Variants in SLC23A2 observed in about 807,000 individuals in gnomAD.
SLC23A2 encodes the protein solute carrier family 23 member 2.
Under a neutral mutation model 73.3 loss-of-function variants are expected in SLC23A2, and 36 were observed. The ratio of observed to expected loss-of-function variants is 0.49; its 90% CI spans 0.38 to 0.65. The LOEUF (loss-of-function observed/expected upper bound fraction) is 0.65, where lower values mean the gene tolerates loss of function less well. Ranked by LOEUF, SLC23A2 falls within the 30% of genes least tolerant of loss-of-function variation. The pLI, the probability that SLC23A2 is intolerant of heterozygous loss-of-function variation, is 0.00. For synonymous variants in SLC23A2, 343 were observed against 327.3 expected (o/e 1.05, Z -0.52); for missense variants, 507 against 841.6 (o/e 0.60, Z 4.92).
chr20:4,876,676 A>T (rs1568606171), intron 9 of SLC23A2, among the ~76,000 whole-genome samples: 1 of 152,244 alleles, frequency 6.6e-6, no homozygotes, highest in Admixed American at 6.5e-5. Context: ...AGTAATACAT[A>T]CTAAATTGTA....
At chr20:5,008,144 A>T (rs1297666972) in intron 1 of SLC23A2, among the ~76,000 whole-genome samples, 1 of 152,164 alleles carries the variant, frequency 6.6e-6, no homozygotes, top group Non-Finnish European at 1.5e-5. Context: ...TCCTGACCTC[A>T]GGTGATCCAC....
chr20:4,978,721 T>C (rs988731192), intron 1 of SLC23A2, among the ~76,000 whole-genome samples: 2 of 152,122 alleles, frequency 1.3e-5, no homozygotes, highest in Non-Finnish European at 2.9e-5. Flanking sequence ...ACAGGGCACA[T>C]GTAGTACCTA....
rs573663630 is a variant in SLC23A2 at position 4,872,286 on chromosome 20, C to A, written c.1102+1650G>T. On this transcript the variant is annotated intron_variant, in intron 11 of 16. Coordinates refer to ENST00000338244, the MANE Select transcript of SLC23A2 (RefSeq NM_005116.6). The surrounding 1 kb of genome is among the most constrained non-coding windows in gnomAD (Gnocchi z 4.4). ...AGTACTACATATGTATACAGTAGTACGACTATATCCCTGGAGGTGGCTTTC... is the reference window on the plus strand; with the variant it reads ...AGTACTACATATGTATACAGTAGTAAGACTATATCCCTGGAGGTGGCTTTC... Among the ~76,000 whole-genome samples the A allele has an allele frequency of 1.3e-5, 2 of 151,828 alleles. No homozygotes were observed. The highest frequency in any genetic ancestry group is 2.9e-5 in the Non-Finnish European group (2 of 67,988).
chr20:4,901,080 A>G (rs1931727197), intron 5 of SLC23A2, among the ~76,000 whole-genome samples: 4 of 152,164 alleles, frequency 2.6e-5, no homozygotes, highest in Admixed American at 2.6e-4. Flanking sequence ...CATTTATAAG[A>G]TAAACATTCC....
chr20:5,007,366 AC>A (rs2088202533), intron 1 of SLC23A2, among the ~76,000 whole-genome samples: 2 of 152,232 alleles, frequency 1.3e-5, no homozygotes, highest in Non-Finnish European at 2.9e-5. Flanking sequence ...CCCTGTCTCT[AC>A]TAAAACTACA....
intron 6 of SLC23A2, among the ~76,000 whole-genome samples, chr20:4,886,276 G>A (rs955127220): frequency 1.3e-5 from 2 of 152,124 alleles, no homozygotes; most frequent in African/African-American, 4.8e-5. Flanking sequence ...AAACATCAGT[G>A]TATTTCTGCT....
At chr20:4,889,805 G>A (rs1385980923) in intron 6 of SLC23A2, among the ~76,000 whole-genome samples, 1 of 151,984 alleles carries the variant, frequency 6.6e-6, no homozygotes, top group Non-Finnish European at 1.5e-5. Context: ...AATACTTAAT[G>A]AAATGAAGGA....
At chr20:4,964,518 T>C (rs952141878) in intron 2 of SLC23A2, among the ~76,000 whole-genome samples, 8 of 152,126 alleles carry the variant, frequency 5.3e-5, no homozygotes, top group African/African-American at 1.7e-4. Flanking sequence ...GTTGGTACAA[T>C]TGTGGGCACA....
chr20:4,905,181 C>A (rs115106635), intron 4 of SLC23A2, among the ~76,000 whole-genome samples: 1 of 150,438 alleles, frequency 6.6e-6, no homozygotes, highest in African/African-American at 2.5e-5. Context: ...TACACACAGG[C>A]GCATGTATGC....
At chr20:4,960,271 G>A (rs1414668932) in intron 2 of SLC23A2, among the ~76,000 whole-genome samples, 1 of 152,208 alleles carries the variant, frequency 6.6e-6, no homozygotes, top group Non-Finnish European at 1.5e-5. Context: ...GTATTGGCAA[G>A]ACTGTGAATA....
At chr20:4,979,496 A>G (rs1218634037) in intron 1 of SLC23A2, among the ~76,000 whole-genome samples, 1 of 151,518 alleles carries the variant, frequency 6.6e-6, no homozygotes, top group Non-Finnish European at 1.5e-5. Flanking sequence ...CTTGAGGCCA[A>G]GAGTTCAAGA....
Position 4,973,730 on chromosome 20 carries a change from C to T in SLC23A2, c.-281-2811G>A, listed in dbSNP as rs548300401. 3.9e-5 allele frequency among the ~76,000 whole-genome samples: 6 copies of T among 152,288 alleles called. No homozygotes were observed. In the South Asian group the frequency reaches 1.0e-3, roughly 26 times the overall value. ...AAACTGTCCTTTGCACGCAAGGCTACGGGGCTGAGATCAAAGCCTGGGCGC... is the reference window on the plus strand; with the variant it reads ...AAACTGTCCTTTGCACGCAAGGCTATGGGGCTGAGATCAAAGCCTGGGCGC... On this transcript the variant is annotated intron_variant, in intron 1 of 16. Coordinates refer to ENST00000338244, the MANE Select transcript of SLC23A2 (RefSeq NM_005116.6).
At chr20:4,884,706 G>T in intron 8 of SLC23A2, 47 bp downstream of exon 8, 2 of 1,326,636 alleles carry the variant, frequency 1.5e-6, no homozygotes, top group South Asian at 1.2e-5. Context: ...CATTGAAGCT[G>T]AGAAGAAACA....
chr20:4,987,568 G>A (rs1448216281), intron 1 of SLC23A2, among the ~76,000 whole-genome samples: 2 of 152,204 alleles, frequency 1.3e-5, no homozygotes, highest in Non-Finnish European at 2.9e-5. Flanking sequence ...ACACTATGTG[G>A]CCGGGCGCGG....
At chr20:4,894,437 T>C (rs955140235) in intron 6 of SLC23A2, among the ~76,000 whole-genome samples, 4 of 152,192 alleles carry the variant, frequency 2.6e-5, no homozygotes, top group African/African-American at 9.7e-5. Flanking sequence ...AGGGGAGAGA[T>C]GTGCAGTGAA....
intron 1 of SLC23A2, among the ~76,000 whole-genome samples, chr20:4,993,797 T>C (rs2087970758): frequency 6.6e-6 from 1 of 152,138 alleles, no homozygotes; most frequent in African/African-American, 2.4e-5. Context: ...ATATATGAAC[T>C]TGGGCTGGGA....
intron 2 of SLC23A2, among the ~76,000 whole-genome samples, chr20:4,951,575 T>C (rs1014316098): frequency 1.3e-5 from 2 of 151,980 alleles, no homozygotes; most frequent in African/African-American, 4.8e-5. Context: ...ACATCCAGAG[T>C]AGGCAAATCC....
At chr20:4,864,773 T>C (rs912587779) in intron 13 of SLC23A2, among the ~76,000 whole-genome samples, 2 of 152,154 alleles carry the variant, frequency 1.3e-5, no homozygotes, top group Admixed American at 1.3e-4. Context: ...TTGTTGGAGA[T>C]GGTCCTGAGG....
At chr20:4,893,400 A>C (rs1041814169) in intron 6 of SLC23A2, among the ~76,000 whole-genome samples, 1 of 152,178 alleles carries the variant, frequency 6.6e-6, no homozygotes, top group Non-Finnish European at 1.5e-5. Flanking sequence ...AAAATCAAAA[A>C]AATTACACTT....
Sources: allele counts gnomAD v4.1 joint callset (sites outside exome capture counted in the v4.1 genomes callset), GRCh38; gene constraint gnomAD v4.1.1; non-coding constraint Gnocchi (gnomAD v3.1); transcripts MANE v1.5; gene names NCBI Gene and HGNC (gene_info 2026-07-23, HGNC 2026-07-21).